Variants in TMEM132D observed in about 807,000 individuals in gnomAD.
TMEM132D encodes the protein transmembrane protein 132D.
TMEM132D carries 21 observed loss-of-function variants against 62.3 expected under a neutral mutation model. That is an observed-to-expected ratio of 0.34 (90% CI 0.24 to 0.49). TMEM132D has a LOEUF of 0.49. TMEM132D is among the 20% of genes least tolerant of loss of function. TMEM132D has a pLI of 0.99. For synonymous variants in TMEM132D, 621 were observed against 575.6 expected, an observed-to-expected ratio of 1.08 and a Z score of -1.13; for missense variants, 1,346 against 1,402.8, an observed-to-expected ratio of 0.96 and a Z score of 0.65.
rs1328208259 is a variant in TMEM132D at position 129,337,665 on chromosome 12, T to C, written c.1268A>G (p.Lys423Arg). 2 of 1,614,106 alleles carry C rather than the reference T, an allele frequency of 1.2e-6. No individual in the cohort carries two copies. Among genetic ancestry groups the C allele is most frequent in the South Asian group, 2.2e-5 (2 of 91,060 alleles). ...CAGCGGCACAACTCCAATCAAGTCC[T>C]TTGGGCTCACATAGATCTTGGACAC... Reference protein sequence around the residue: ...LGVSKIYVSPKDLIGVVPLAM... With the variant: ...LGVSKIYVSPRDLIGVVPLAM... The change falls in exon 4 of 9, where the codon AAG (lysine) becomes AGG (arginine). Residue 423 changes from lysine to arginine, a missense_variant. Coordinates refer to ENST00000422113, the MANE Select transcript of TMEM132D (RefSeq NM_133448.3).
chr12:129,321,416 C>T (rs185139555), intron 4 of TMEM132D, among the ~76,000 whole-genome samples: 563 of 152,308 alleles, frequency 3.7e-3, no homozygotes, highest in Non-Finnish European at 6.2e-3. Flanking sequence ...TCTTGAGAGC[C>T]TCACTTATTT....
intron 1 of TMEM132D, among the ~76,000 whole-genome samples, chr12:129,849,103 A>G (rs1873452203): frequency 6.6e-6 from 1 of 152,212 alleles, no homozygotes; most frequent in Admixed American, 6.5e-5. Context: ...GTGGTCACGG[A>G]CAGGAGTTTA....
intron 3 of TMEM132D, among the ~76,000 whole-genome samples, chr12:129,471,301 T>C (rs1012702415): frequency 6.6e-6 from 1 of 152,088 alleles, no homozygotes; most frequent in African/African-American, 2.4e-5. Context: ...TGTGCTCACT[T>C]TGTGTCTCTG....
intron 1 of TMEM132D, among the ~76,000 whole-genome samples, chr12:129,795,439 A>T (rs1177561520): frequency 4.6e-5 from 7 of 152,358 alleles, no homozygotes; most frequent in African/African-American, 7.2e-5. Flanking sequence ...ATAAATATTT[A>T]AAAAATTTAA....
intron 5 of TMEM132D, among the ~76,000 whole-genome samples, chr12:129,125,153 G>A (rs750194983): frequency 3.3e-5 from 5 of 152,172 alleles, no homozygotes; most frequent in African/African-American, 9.6e-5. Context: ...AATGTGACAT[G>A]TTCCTGGAAG....
At chr12:129,542,182 T>C (rs1350333773) in intron 2 of TMEM132D, among the ~76,000 whole-genome samples, 1 of 152,194 alleles carries the variant, frequency 6.6e-6, no homozygotes, top group Non-Finnish European at 1.5e-5. Context: ...AACTTCCATG[T>C]TCCCAGGGCT....
chr12:129,263,652 G>A (rs1188959146), intron 4 of TMEM132D, among the ~76,000 whole-genome samples: 1 of 152,130 alleles, frequency 6.6e-6, no homozygotes, highest in Non-Finnish European at 1.5e-5. Flanking sequence ...GAGGAAGGGA[G>A]AAGGGAGGAA....
intron 4 of TMEM132D, among the ~76,000 whole-genome samples, chr12:129,246,991 C>T (rs1428761360): frequency 6.6e-6 from 1 of 152,104 alleles, no homozygotes; most frequent in African/African-American, 2.4e-5. Flanking sequence ...GTTCATTAAG[C>T]TGGTATCAAA....
intron 2 of TMEM132D, among the ~76,000 whole-genome samples, chr12:129,543,239 ATGAGTGGGTGGGTGGG>A: frequency 1.0e-5 from 1 of 96,370 alleles, no homozygotes. Flanking sequence ...GGATGGATGG[ATGAGTGGGTGGGTGGG>A]TGGATGGATG....
chr12:129,319,724 G>A (rs1303809256), intron 4 of TMEM132D, among the ~76,000 whole-genome samples: 3 of 152,150 alleles, frequency 2.0e-5, no homozygotes, highest in Middle Eastern at 3.2e-3. Flanking sequence ...GTTGGAAGAA[G>A]ATGTAACATG....
At chr12:129,131,113 T>C (rs764614095) in intron 5 of TMEM132D, among the ~76,000 whole-genome samples, 3 of 152,186 alleles carry the variant, frequency 2.0e-5, no homozygotes, top group Non-Finnish European at 2.9e-5. Flanking sequence ...AGGGTACTAA[T>C]GAAAATCCTG....
chr12:129,438,653 G>T (rs1872856112), intron 3 of TMEM132D, among the ~76,000 whole-genome samples: 1 of 152,126 alleles, frequency 6.6e-6, no homozygotes, highest in African/African-American at 2.4e-5. Flanking sequence ...GAGGGCATCT[G>T]TTGGGAAGAA....
chr12:129,326,209 C>G (rs1045505298), intron 4 of TMEM132D, among the ~76,000 whole-genome samples: 4 of 152,156 alleles, frequency 2.6e-5, no homozygotes, highest in African/African-American at 9.7e-5. Flanking sequence ...GGAAAATACA[C>G]TTTTCTCACG....
chr12:129,649,133 C>T (rs1053385471), intron 2 of TMEM132D, among the ~76,000 whole-genome samples: 13 of 152,176 alleles, frequency 8.5e-5, no homozygotes, highest in Admixed American at 2.6e-4. Flanking sequence ...TAAGAAACTT[C>T]GCTCAAGTCA....
At chr12:129,634,449 A>G (rs155726) in intron 2 of TMEM132D, among the ~76,000 whole-genome samples, 76,664 of 147,578 alleles carry the variant, frequency 0.52, 21,070 homozygotes, top group African/African-American at 0.72. Context: ...ACTCAAGCCT[A>G]TGTGAAAGAG....
At chr12:129,493,760 G>A (rs145163347) in intron 3 of TMEM132D, among the ~76,000 whole-genome samples, 64 of 152,258 alleles carry the variant, frequency 4.2e-4, no homozygotes, top group South Asian at 8.3e-4. Context: ...CTGAGACACC[G>A]ATTAATCTGG....
intron 4 of TMEM132D, chr12:129,212,295 G>C (rs548696595): frequency 6.6e-6 from 1 of 152,314 alleles, no homozygotes; most frequent in East Asian, 1.9e-4. Context: ...ACGTGTTTCT[G>C]CCTACCAAGA....
At chr12:129,739,968 A>G (rs1393496225) in intron 1 of TMEM132D, among the ~76,000 whole-genome samples, 1 of 152,156 alleles carries the variant, frequency 6.6e-6, no homozygotes, top group Non-Finnish European at 1.5e-5. Flanking sequence ...TAATGATCAT[A>G]TCTCCTTGTT....
intron 5 of TMEM132D, among the ~76,000 whole-genome samples, chr12:129,161,495 G>T (rs1877399046): frequency 6.6e-6 from 1 of 152,146 alleles, no homozygotes; most frequent in African/African-American, 2.4e-5. Context: ...GTGGGGAGAT[G>T]GTGCAGGGTT....
Sources: allele counts gnomAD v4.1 joint callset (sites outside exome capture counted in the v4.1 genomes callset), GRCh38; gene constraint gnomAD v4.1.1; transcripts MANE v1.5; gene names NCBI Gene and HGNC (gene_info 2026-07-23, HGNC 2026-07-21).